The following PABPC4L variants were observed in gnomAD, a reference collection of about 807,000 sequenced individuals.
The protein encoded by PABPC4L is poly(A) binding protein cytoplasmic 4 like.
For missense variants in PABPC4L, 452 were observed against 451.4 expected, an observed-to-expected ratio of 1.00 and a Z score of -0.01; for synonymous variants, 169 against 164.1, an observed-to-expected ratio of 1.03 and a Z score of -0.23.
the PABPC4L span, among the ~76,000 whole-genome samples, chr4:134,015,028 T>A: frequency 1.3e-5 from 2 of 151,976 alleles, no homozygotes; most frequent in Non-Finnish European, 2.9e-5. Flanking sequence ...CTCCTTTGCA[T>A]CCTCCTCTTT....
the PABPC4L span, among the ~76,000 whole-genome samples, chr4:133,971,578 AAAT>A: frequency 6.6e-6 from 1 of 152,166 alleles, no homozygotes; most frequent in East Asian, 1.9e-4. Context: ...TCTGAAGATC[AAAT>A]AATATCACTC....
At chr4:134,020,896 C>T in the PABPC4L span, among the ~76,000 whole-genome samples, 676 of 152,072 alleles carry the variant, frequency 4.4e-3, 3 homozygotes, top group African/African-American at 0.015. Context: ...ATTGCTTTTC[C>T]TGTCAGAGTG....
At chr4:134,041,492 C>G in the PABPC4L span, among the ~76,000 whole-genome samples, 1 of 152,052 alleles carries the variant, frequency 6.6e-6, no homozygotes, top group Non-Finnish European at 1.5e-5. Context: ...AAACCAAACA[C>G]CACATGTTCT....
the PABPC4L span, among the ~76,000 whole-genome samples, chr4:133,990,721 A>T: frequency 3.9e-5 from 6 of 152,176 alleles, no homozygotes; most frequent in African/African-American, 1.2e-4. Flanking sequence ...TTTGTGGGTA[A>T]TTAACATTGC....
chr4:134,162,734 G>C, the PABPC4L span, among the ~76,000 whole-genome samples: 1 of 152,020 alleles, frequency 6.6e-6, no homozygotes, highest in African/African-American at 2.4e-5. Context: ...GAAATACATG[G>C]AAATTAATCA....
At chr4:134,186,347 G>C in the PABPC4L span, among the ~76,000 whole-genome samples, 1 of 152,022 alleles carries the variant, frequency 6.6e-6, no homozygotes, top group African/African-American at 2.4e-5. Context: ...CAGAGATATA[G>C]ACCAATGGAA....
chr4:134,022,994 G>A, the PABPC4L span, among the ~76,000 whole-genome samples: 657 of 127,370 alleles, frequency 5.2e-3, 2 homozygotes, highest in Middle Eastern at 0.022. Context: ...AAATTAAGGG[G>A]GAAAAGACTT....
At chr4:134,186,942 A>T in the PABPC4L span, among the ~76,000 whole-genome samples, 16 of 152,216 alleles carry the variant, frequency 1.1e-4, no homozygotes, top group African/African-American at 3.6e-4. Context: ...TCATGAAAAA[A>T]TGTTTATCAT....
the PABPC4L span, among the ~76,000 whole-genome samples, chr4:133,955,463 T>G: frequency 0.15 from 22,465 of 152,020 alleles, 3,588 homozygotes; most frequent in East Asian, 0.49. Flanking sequence ...GCTCTGAATT[T>G]TTATTACAAT....
chr4:134,048,557 T>C, the PABPC4L span, among the ~76,000 whole-genome samples: 1 of 152,276 alleles, frequency 6.6e-6, no homozygotes, highest in South Asian at 2.1e-4. Flanking sequence ...ATTTACTTAA[T>C]AGCTTTGTGT....
the PABPC4L span, among the ~76,000 whole-genome samples, chr4:134,011,591 C>T: frequency 6.6e-6 from 1 of 151,986 alleles, no homozygotes; most frequent in Admixed American, 6.6e-5. Context: ...TATTATTTGA[C>T]ATATTTTCTA....
the PABPC4L span, among the ~76,000 whole-genome samples, chr4:134,069,013 A>G: frequency 2.0e-4 from 31 of 152,074 alleles, no homozygotes; most frequent in Middle Eastern, 3.2e-3. Flanking sequence ...CCCAGCCATG[A>G]TAGGTCTTAG....
chr4:134,005,055 G>A, the PABPC4L span, among the ~76,000 whole-genome samples: 1 of 151,774 alleles, frequency 6.6e-6, no homozygotes, highest in Non-Finnish European at 1.5e-5. Flanking sequence ...ACAGCATGGT[G>A]ACTATAATAA....
At chr4:134,107,644 T>G in the PABPC4L span, among the ~76,000 whole-genome samples, 1 of 151,636 alleles carries the variant, frequency 6.6e-6, no homozygotes, top group Admixed American at 6.6e-5. Context: ...CCTATCTAAC[T>G]TCTGGTATGT....
chr4:134,023,152 G>T, the PABPC4L span, among the ~76,000 whole-genome samples: 1 of 152,170 alleles, frequency 6.6e-6, no homozygotes, highest in East Asian at 1.9e-4. Flanking sequence ...AGCCCTTATT[G>T]CCCACTCTGA....
the PABPC4L span, among the ~76,000 whole-genome samples, chr4:134,164,442 A>C: frequency 6.6e-6 from 1 of 152,090 alleles, no homozygotes; most frequent in Non-Finnish European, 1.5e-5. Flanking sequence ...TCAAGCTATA[A>C]AATCCATGTA....
At chr4:134,063,056 G>A in the PABPC4L span, among the ~76,000 whole-genome samples, 1 of 152,084 alleles carries the variant, frequency 6.6e-6, no homozygotes, top group Non-Finnish European at 1.5e-5. Flanking sequence ...ATATTTTAAT[G>A]TATTTTCTTG....
chr4:134,065,111 C>T, the PABPC4L span, among the ~76,000 whole-genome samples: 1 of 152,028 alleles, frequency 6.6e-6, no homozygotes, highest in African/African-American at 2.4e-5. Context: ...GGTATAGACC[C>T]AATGTGGGAT....
At chr4:134,169,140 A>T in the PABPC4L span, among the ~76,000 whole-genome samples, 3 of 152,248 alleles carry the variant, frequency 2.0e-5, no homozygotes, top group Admixed American at 1.3e-4. Context: ...TGCAAGGATG[A>T]GTCAACATAT....
Sources: gnomAD v4.1 joint callset for allele counts (sites outside exome capture counted in the v4.1 genomes callset) on GRCh38, gnomAD v4.1.1 for gene constraint, MANE v1.5 for transcripts, NCBI Gene and HGNC (gene_info 2026-07-23, HGNC 2026-07-21) for gene names.